EVA1C: variants seen among roughly 807,000 people sequenced by gnomAD.
EVA1C encodes the protein protein eva-1 homolog C.
In EVA1C, 25 loss-of-function variants were observed where a neutral mutation model predicts 45.4. The ratio of observed to expected loss-of-function variants is 0.55; its 90% CI spans 0.40 to 0.77. The LOEUF (loss-of-function observed/expected upper bound fraction) is 0.77. Ranked by LOEUF, EVA1C falls within the 30% of genes least tolerant of loss-of-function variation. EVA1C has a pLI of 0.00. For synonymous variants in EVA1C, 190 were observed against 221.2 expected (o/e 0.86, Z 1.25); for missense variants, 479 against 554.8 (o/e 0.86, Z 1.37).
chr21:32,448,494 C>T (rs1466377033), intron 1 of EVA1C, among the ~76,000 whole-genome samples: 2 of 152,128 alleles, frequency 1.3e-5, no homozygotes, highest in African/African-American at 4.8e-5. Context: ...CCTCGTTCTC[C>T]CCTCCCTAAC....
chr21:32,432,717 G>T (rs906672218), intron 1 of EVA1C, among the ~76,000 whole-genome samples: 1 of 152,096 alleles, frequency 6.6e-6, no homozygotes, highest in Non-Finnish European at 1.5e-5. Flanking sequence ...TGCTTCATCT[G>T]TCTTCTGTTC....
intron 1 of EVA1C, among the ~76,000 whole-genome samples, chr21:32,425,714 A>C (rs1318398668): frequency 1.3e-5 from 2 of 152,180 alleles, no homozygotes; most frequent in African/African-American, 4.8e-5. Flanking sequence ...GAAACCAGTG[A>C]TTCTCAGTCC....
intron 3 of EVA1C, among the ~76,000 whole-genome samples, chr21:32,458,232 G>A (rs1294435942): frequency 1.2e-4 from 18 of 152,150 alleles, no homozygotes; most frequent in Admixed American, 1.2e-3. Flanking sequence ...AGAATGAGAG[G>A]GGATATGGCT....
intron 1 of EVA1C, among the ~76,000 whole-genome samples, chr21:32,440,828 C>T (rs2035147378): frequency 6.6e-6 from 1 of 152,196 alleles, no homozygotes; most frequent in Admixed American, 6.5e-5. Context: ...GGGCCAGGCG[C>T]AGTGGCTCAC....
chr21:32,471,727 C>T (rs1489781266), intron 4 of EVA1C, among the ~76,000 whole-genome samples: 1 of 151,926 alleles, frequency 6.6e-6, no homozygotes, highest in Admixed American at 6.6e-5. Flanking sequence ...CTCCCAGTTT[C>T]ATGCCATTCT....
chr21:32,432,461 C>A (rs1341080328), intron 1 of EVA1C, among the ~76,000 whole-genome samples: 2 of 150,918 alleles, frequency 1.3e-5, no homozygotes, highest in Non-Finnish European at 3.0e-5. Context: ...GGGGCAGGTC[C>A]AGGGAACGCA....
At chr21:32,499,950 G>A (rs1225601198) in intron 5 of EVA1C, among the ~76,000 whole-genome samples, 2 of 152,102 alleles carry the variant, frequency 1.3e-5, no homozygotes, top group African/African-American at 2.4e-5. Flanking sequence ...CAGAGGAGTC[G>A]GTCACGCTGC....
chr21:32,476,764 G>A (rs955512968), intron 4 of EVA1C, among the ~76,000 whole-genome samples: 8 of 152,102 alleles, frequency 5.3e-5, no homozygotes, highest in African/African-American at 9.7e-5. Context: ...AGGGCTGCCC[G>A]AGGCCTGGCT....
chr21:32,457,846 C>A, intron 3 of EVA1C, 126 bp downstream of exon 3: 1 of 1,032,102 alleles, frequency 9.7e-7, no homozygotes, highest in Non-Finnish European at 1.4e-6. Context: ...ACACATTGGG[C>A]TCCATCCTAC....
intron 4 of EVA1C, among the ~76,000 whole-genome samples, chr21:32,478,216 T>TTA (rs147635968): frequency 2.1e-3 from 316 of 150,500 alleles, no homozygotes; most frequent in African/African-American, 6.5e-3. Flanking sequence ...TAATTAAGTT[T>TTA]TATATATATA....
At chr21:32,446,827 T>A (rs1210776312) in intron 1 of EVA1C, among the ~76,000 whole-genome samples, 2 of 152,114 alleles carry the variant, frequency 1.3e-5, no homozygotes, top group Middle Eastern at 3.2e-3. Flanking sequence ...CCTCCTTCCA[T>A]GGCCACTCCT....
intron 7 of EVA1C, among the ~76,000 whole-genome samples, chr21:32,504,728 T>C (rs534186828): frequency 6.6e-6 from 1 of 152,312 alleles, no homozygotes; most frequent in East Asian, 1.9e-4. Flanking sequence ...GTTAATATAA[T>C]ACATAACAGT....
intron 3 of EVA1C, among the ~76,000 whole-genome samples, chr21:32,458,993 G>T (rs2035896301): frequency 6.6e-6 from 1 of 152,020 alleles, no homozygotes; most frequent in Admixed American, 6.6e-5. Context: ...AGATATGCAG[G>T]CTTCTGTCAA....
At position 32,484,531 on chromosome 21, in the gene EVA1C, G is replaced by C. The variant is rs1006812750; in HGVS notation, c.635-10496G>C. ...TGCGCTCCAGCCTGGGCGACAAAGA[G>C]AGACTCCATCTCAAAAAAAAAAAAA... On this transcript the variant is annotated intron_variant, in intron 4 of 7. Coordinates refer to ENST00000300255, the MANE Select transcript of EVA1C (RefSeq NM_058187.5). Among the ~76,000 whole-genome samples, 22 of 149,784 alleles carry C rather than the reference G, an allele frequency of 1.5e-4. No homozygotes were observed. In the Admixed American group the frequency reaches 1.5e-3, roughly 10 times the overall value.
At chr21:32,433,551 T>A (rs1334247288) in intron 1 of EVA1C, among the ~76,000 whole-genome samples, 3 of 152,190 alleles carry the variant, frequency 2.0e-5, no homozygotes. Context: ...GGGAGAAACA[T>A]CGCGTTGTTG....
At chr21:32,422,489 A>G (rs2034318410) in intron 1 of EVA1C, among the ~76,000 whole-genome samples, 1 of 152,226 alleles carries the variant, frequency 6.6e-6, no homozygotes, top group African/African-American at 2.4e-5. Flanking sequence ...TAAGCATTCC[A>G]AGGAAGATAA....
chr21:32,507,725 T>G (rs893486875), intron 7 of EVA1C, among the ~76,000 whole-genome samples: 2 of 151,518 alleles, frequency 1.3e-5, no homozygotes, highest in South Asian at 4.2e-4. Flanking sequence ...TGCATGTGTG[T>G]GCATACGTGT....
At chr21:32,465,914 A>C (rs1209966658) in intron 3 of EVA1C, among the ~76,000 whole-genome samples, 1 of 152,224 alleles carries the variant, frequency 6.6e-6, no homozygotes, top group East Asian at 1.9e-4. Context: ...GAGTAGTGCA[A>C]CCGTGACCAC....
intron 1 of EVA1C, among the ~76,000 whole-genome samples, chr21:32,442,267 A>G (rs74524680): frequency 0.016 from 2,491 of 152,258 alleles, 71 homozygotes; most frequent in African/African-American, 0.057. Context: ...GAGCCTCCCA[A>G]ATATCTAAGA....
Sources: allele counts gnomAD v4.1 joint callset (sites outside exome capture counted in the v4.1 genomes callset), GRCh38; gene constraint gnomAD v4.1.1; transcripts MANE v1.5; gene names NCBI Gene and HGNC (gene_info 2026-07-23, HGNC 2026-07-21).